Variants in FRK observed in about 807,000 individuals in gnomAD.
The protein encoded by FRK is tyrosine-protein kinase FRK.
Under a neutral mutation model 56.4 loss-of-function variants are expected in FRK, and 51 were observed. The observed-to-expected ratio is 0.90, with a 90% CI of 0.72 to 1.14. The LOEUF (loss-of-function observed/expected upper bound fraction) is 1.14. FRK is among the 50% of genes most tolerant of loss of function. The probability of loss-of-function intolerance (pLI) is 0.00; values close to 1 mark genes in which losing one functional copy is unlikely to be tolerated. For synonymous variants in FRK, 245 were observed against 217.9 expected, an observed-to-expected ratio of 1.12 and a Z score of -1.10; for missense variants, 570 against 601.4, an observed-to-expected ratio of 0.95 and a Z score of 0.55.
At chr6:116,055,636 T>C (rs1307194241) in intron 1 of FRK, among the ~76,000 whole-genome samples, 1 of 152,160 alleles carries the variant, frequency 6.6e-6, no homozygotes, top group Admixed American at 6.5e-5. Context: ...CACACATAAG[T>C]GTGGAAATAT....
the FRK span, among the ~76,000 whole-genome samples, chr6:116,099,284 C>T: frequency 5.3e-5 from 8 of 152,332 alleles, no homozygotes; most frequent in Non-Finnish European, 8.8e-5. Flanking sequence ...AATGAATGTA[C>T]TAGTACATTT....
At chr6:116,029,717 A>G (rs1447759959) in intron 1 of FRK, among the ~76,000 whole-genome samples, 1 of 152,142 alleles carries the variant, frequency 6.6e-6, no homozygotes, top group Non-Finnish European at 1.5e-5. Flanking sequence ...CTACACAAGG[A>G]AACTGAGATG....
At chr6:115,958,657 A>AAAG (rs1470423629) in intron 4 of FRK, among the ~76,000 whole-genome samples, 5 of 2,878 alleles carry the variant, frequency 1.7e-3, no homozygotes, top group African/African-American at 6.7e-3. Flanking sequence ...AGAAAGAAAG[A>AAAG]AAGAAAGAAA....
intron 2 of FRK, among the ~76,000 whole-genome samples, chr6:115,989,657 A>T (rs1306928396): frequency 6.6e-6 from 1 of 151,916 alleles, no homozygotes; most frequent in Non-Finnish European, 1.5e-5. Flanking sequence ...CATGGAAAAT[A>T]CATACCACAT....
At chr6:116,072,612 T>C in the FRK span, among the ~76,000 whole-genome samples, 2 of 151,872 alleles carry the variant, frequency 1.3e-5, no homozygotes, top group East Asian at 3.9e-4. Flanking sequence ...TTCCTTCCCC[T>C]ACCATGATGA....
intron 4 of FRK, among the ~76,000 whole-genome samples, chr6:115,963,077 A>G (rs1773445865): frequency 1.7e-5 from 1 of 58,078 alleles, no homozygotes; most frequent in Non-Finnish European, 3.5e-5. Flanking sequence ...AGAGACACAA[A>G]AAAACCTTCA....
At position 115,968,566 on chromosome 6, in the gene FRK, G is replaced by A; in HGVS notation, c.630+10C>T. ...TTCAATAAAAAAACACAGCTTGAAA[G>A]CATTTTCACCTTTAAGCATGGTTTC... On this transcript the variant is annotated intron_variant, in intron 3 of 7. Transcript: ENST00000606080. 6.2e-7 allele frequency: 1 copy of A among 1,602,784 alleles called. No individual in the cohort carries two copies. Among genetic ancestry groups the A allele is most frequent in the Non-Finnish European group, 8.5e-7 (1 of 1,175,816 alleles).
chr6:115,972,407 T>G (rs994180913), intron 2 of FRK, among the ~76,000 whole-genome samples: 4 of 152,196 alleles, frequency 2.6e-5, no homozygotes, highest in African/African-American at 9.6e-5. Context: ...TCCTCCCAAC[T>G]GCAGAGGGTG....
chr6:115,984,280 G>A (rs771924044), intron 2 of FRK, among the ~76,000 whole-genome samples: 10 of 151,966 alleles, frequency 6.6e-5, no homozygotes, highest in Non-Finnish European at 1.3e-4. Context: ...TACTTAGCAC[G>A]AAATTTTCAA....
intron 4 of FRK, among the ~76,000 whole-genome samples, chr6:115,958,506 T>C (rs1176572751): frequency 2.0e-5 from 3 of 151,542 alleles, no homozygotes; most frequent in African/African-American, 7.3e-5. Context: ...CAGGTGCCTG[T>C]AATCCCAGCT....
chr6:115,968,094 G>C (rs139999607), intron 3 of FRK, among the ~76,000 whole-genome samples: 7 of 151,936 alleles, frequency 4.6e-5, no homozygotes, highest in East Asian at 1.9e-4. Flanking sequence ...TTTGGCTATA[G>C]TTTTATTATA....
chr6:115,979,473 A>G (rs529462418), intron 2 of FRK, among the ~76,000 whole-genome samples: 6 of 152,328 alleles, frequency 3.9e-5, no homozygotes, highest in African/African-American at 1.4e-4. Flanking sequence ...TTAAAATTAA[A>G]AAATGTATAA....
the FRK span, among the ~76,000 whole-genome samples, chr6:116,066,528 C>T: frequency 6.6e-6 from 1 of 152,052 alleles, no homozygotes; most frequent in African/African-American, 2.4e-5. Context: ...CAAATGGCAG[C>T]CAAAATAATC....
intron 2 of FRK, among the ~76,000 whole-genome samples, chr6:115,978,406 A>T (rs189774440): frequency 3.5e-4 from 53 of 152,292 alleles, no homozygotes; most frequent in African/African-American, 1.3e-3. Context: ...GAAAAGGACG[A>T]TGACTCCAGG....
chr6:115,954,115 G>A lies in FRK; in HGVS notation c.958+2337C>T, dbSNP rs192316172. 7.2e-4 allele frequency among the ~76,000 whole-genome samples: 110 copies of A among 152,202 alleles called. 1 individual carries two copies. The highest frequency in any genetic ancestry group is 6.8e-3 in the Middle Eastern group (2 of 294). The stretch of plus-strand genomic sequence containing the variant: ...AGTAGAGATTTTGAGGAAATGAGAA[G>A]TGAGCATGTGGATAAATGTCAGAAC... On this transcript the variant is annotated intron_variant, in intron 5 of 7. Coordinates refer to ENST00000606080, the MANE Select transcript of FRK (RefSeq NM_002031.3).
In FRK at chr6:115,942,974, T is replaced by A. The variant is rs767597023; in HGVS notation, c.1306+46A>T. 3.8e-6 allele frequency: 6 copies of A among 1,573,738 alleles called. No homozygotes were observed. The African/African-American group carries it at 8.1e-5, about 21-fold the overall frequency. On this transcript the variant is annotated intron_variant, in intron 7 of 7. Coordinates refer to ENST00000606080, the MANE Select transcript of FRK (RefSeq NM_002031.3). ...CAAAGCAGTTAAAATCACACCTAAGTAAGTGACATGCAGCAGAAAGGTCCA... is the reference window on the plus strand; with the variant it reads ...CAAAGCAGTTAAAATCACACCTAAGAAAGTGACATGCAGCAGAAAGGTCCA...
At chr6:116,005,819 T>C (rs927817801) in intron 1 of FRK, among the ~76,000 whole-genome samples, 1 of 152,128 alleles carries the variant, frequency 6.6e-6, no homozygotes, top group African/African-American at 2.4e-5. Context: ...GATGACTCAA[T>C]AAATAACACT....
Position 116,021,185 on chromosome 6 carries a change from T to TA in FRK, c.345-17188dup, listed in dbSNP as rs1172112551. 1.4e-3 allele frequency among the ~76,000 whole-genome samples: 170 copies of TA among 125,618 alleles called. 1 individual carries two copies. Among genetic ancestry groups the TA allele is most frequent in the South Asian group, 5.8e-3 (24 of 4,160 alleles). The allele number at this position is 125,618 out of a possible 152,430, so 82.4% of individuals were successfully genotyped here. A position where few individuals can be genotyped will look rare whatever the true frequency, so the allele number is the denominator to read the frequency against. On this transcript the variant is annotated intron_variant, in intron 1 of 7. Coordinates refer to ENST00000606080, the MANE Select transcript of FRK (RefSeq NM_002031.3). ...GGAGGCCTATTATGCACTGAAAGAA[T>TA]AAAAAAAAAAAAGACCATGCTTGCT...
At chr6:115,974,647 T>C (rs1370968148) in intron 2 of FRK, among the ~76,000 whole-genome samples, 1 of 152,168 alleles carries the variant, frequency 6.6e-6, no homozygotes, top group Non-Finnish European at 1.5e-5. Flanking sequence ...TTTCCAAATG[T>C]TTCCATCTTA....
Sources: allele counts gnomAD v4.1 joint callset (sites outside exome capture counted in the v4.1 genomes callset), GRCh38; gene constraint gnomAD v4.1.1; transcripts MANE v1.5; gene names NCBI Gene and HGNC (gene_info 2026-07-23, HGNC 2026-07-21).